PEPD: variants seen among roughly 807,000 people sequenced by gnomAD.
The protein encoded by PEPD is peptidase D, also known as xaa-Pro dipeptidase.
In PEPD, 53 loss-of-function variants were observed where a neutral mutation model predicts 60.7. The observed-to-expected ratio is 0.87, with a 90% CI of 0.70 to 1.10. PEPD has a LOEUF of 1.10. Ranked by LOEUF, PEPD falls within the 50% of genes least tolerant of loss-of-function variation. The pLI is 0.00. For synonymous variants in PEPD, 267 were observed against 284.1 expected, an observed-to-expected ratio of 0.94 and a Z score of 0.60; for missense variants, 711 against 711.9, an observed-to-expected ratio of 1.00 and a Z score of 0.01.
chr19:33,405,740 C>A (rs1968605398), intron 11 of PEPD, among the ~76,000 whole-genome samples: 1 of 152,236 alleles, frequency 6.6e-6, no homozygotes. Flanking sequence ...CCCTGAGGCT[C>A]CCCGTGCCAT....
intron 7 of PEPD, among the ~76,000 whole-genome samples, chr19:33,466,610 G>A (rs1040218849): frequency 6.6e-6 from 1 of 152,094 alleles, no homozygotes; most frequent in Admixed American, 6.5e-5. Flanking sequence ...TTCAGTATCT[G>A]GGGGGAAAAC....
At chr19:33,498,595 T>C (rs1336340491) in intron 4 of PEPD, among the ~76,000 whole-genome samples, 1 of 152,004 alleles carries the variant, frequency 6.6e-6, no homozygotes, top group African/African-American at 2.4e-5. Flanking sequence ...ACCACGGTCC[T>C]TGAGACAGGG....
intron 6 of PEPD, among the ~76,000 whole-genome samples, chr19:33,489,151 A>T (rs1422273443): frequency 6.6e-6 from 1 of 152,114 alleles, no homozygotes; most frequent in East Asian, 1.9e-4. Flanking sequence ...CCCTGTGCCC[A>T]AGGTCTGTCC....
intron 9 of PEPD, among the ~76,000 whole-genome samples, chr19:33,442,438 C>T (rs1166466736): frequency 8.0e-5 from 12 of 149,266 alleles, no homozygotes; most frequent in Admixed American, 4.0e-4. Context: ...CGGTGGCTCA[C>T]GCCTATAATC....
At chr19:33,406,586 G>T (rs1389511230) in intron 11 of PEPD, among the ~76,000 whole-genome samples, 2 of 152,058 alleles carry the variant, frequency 1.3e-5, no homozygotes, top group African/African-American at 4.8e-5. Context: ...GCAGCAGAGA[G>T]CAGGCCTGGG....
chr19:33,413,627 A>C lies in PEPD; in HGVS notation c.688T>G (p.Cys230Gly). 2 of 1,588,474 alleles carry C rather than the reference A, an allele frequency of 1.3e-6. No homozygotes were observed. The highest frequency in any genetic ancestry group is 2.3e-5 in the South Asian group (2 of 87,098). Residue 230 changes from cysteine (C) to glycine (G), a missense_variant, in exon 10 of 15, where the codon TGC becomes GGC. Transcript: ENST00000244137. ...TGGCGCATGCCGCCCCGGGAGTAGCAGTAGTGCTCGAAGAGGCTGCAGGGG... is the reference window on the plus strand; with the variant it reads ...TGGCGCATGCCGCCCCGGGAGTAGCCGTAGTGCTCGAAGAGGCTGCAGGGG... The part of the protein sequence containing the change: ...YELESLFEHY[C>G]YSRGGMRHSS...
chr19:33,479,363 T>C (rs1018616918), intron 6 of PEPD, among the ~76,000 whole-genome samples: 1 of 152,052 alleles, frequency 6.6e-6, no homozygotes, highest in Non-Finnish European at 1.5e-5. Context: ...TAGATGTAAA[T>C]GGATTAAATT....
chr19:33,388,347 A>G, intron 13 of PEPD: 1 of 632,884 alleles, frequency 1.6e-6, no homozygotes, highest in East Asian at 2.8e-5. Flanking sequence ...CCATGTGCAC[A>G]CACCCGGGGC....
rs1455853622 is a variant in PEPD, at chr19:33,391,499, G to A, written c.968-20C>T. 1 of 1,546,956 alleles carries A rather than the reference G, an allele frequency of 6.5e-7. No individual in the cohort carries two copies. Among genetic ancestry groups the A allele is most frequent in the Non-Finnish European group, 8.7e-7 (1 of 1,145,890 alleles). ...AGACACCTGTGGGCCAGAGGGAGCT[G>A]CCGTGAGCCACAGAGCCCAGCAGCC... On this transcript the variant is annotated intron_variant, in intron 12 of 14. Coordinates refer to ENST00000244137, the MANE Select transcript of PEPD (RefSeq NM_000285.4).
intron 6 of PEPD, among the ~76,000 whole-genome samples, chr19:33,479,737 C>G (rs1970281285): frequency 6.6e-6 from 1 of 152,222 alleles, no homozygotes; most frequent in Admixed American, 6.5e-5. Flanking sequence ...CATGTTCTTG[C>G]AAAGGACATG....
intron 9 of PEPD, among the ~76,000 whole-genome samples, chr19:33,462,363 G>A (rs1254927825): frequency 6.6e-6 from 1 of 152,234 alleles, no homozygotes; most frequent in African/African-American, 2.4e-5. Flanking sequence ...CCTGCCCCAG[G>A]ACACGGGTGG....
chr19:33,416,050 A>G (rs1600098150), intron 9 of PEPD, among the ~76,000 whole-genome samples: 1 of 151,546 alleles, frequency 6.6e-6, no homozygotes, highest in South Asian at 2.1e-4. Flanking sequence ...GTGGCGGCAC[A>G]GGGGGCCTGT....
At chr19:33,414,031 G>A (rs1968836626) in intron 9 of PEPD, among the ~76,000 whole-genome samples, 1 of 152,220 alleles carries the variant, frequency 6.6e-6, no homozygotes, top group South Asian at 2.1e-4. Context: ...GCTGGAGGAA[G>A]TGATTCCCTG....
chr19:33,496,623 G>A (rs1294340460), intron 4 of PEPD, among the ~76,000 whole-genome samples: 1 of 152,230 alleles, frequency 6.6e-6, no homozygotes, highest in Non-Finnish European at 1.5e-5. Context: ...AAGACAGCAC[G>A]GCTCTGTCAA....
At chr19:33,481,823 G>T (rs1319626943) in intron 6 of PEPD, among the ~76,000 whole-genome samples, 1 of 151,984 alleles carries the variant, frequency 6.6e-6, no homozygotes, top group East Asian at 2.0e-4. Context: ...GAGGTCAGGA[G>T]TTCAAGACCA....
intron 7 of PEPD, among the ~76,000 whole-genome samples, chr19:33,465,201 A>G (rs1969998011): frequency 6.6e-6 from 1 of 152,184 alleles, no homozygotes; most frequent in South Asian, 2.1e-4. Flanking sequence ...TGCAGACACC[A>G]CGTCATCCAT....
intron 7 of PEPD, among the ~76,000 whole-genome samples, chr19:33,471,122 GA>G (rs931899833): frequency 6.0e-5 from 9 of 150,130 alleles, no homozygotes; most frequent in East Asian, 5.9e-4. Context: ...GGGGGAAGTG[GA>G]AAAAAAAAAT....
chr19:33,408,965 A>G (rs778196250), intron 11 of PEPD, among the ~76,000 whole-genome samples: 4 of 152,254 alleles, frequency 2.6e-5, no homozygotes, highest in Non-Finnish European at 5.9e-5. Context: ...TAAACTCATA[A>G]TTACTCTACT....
chr19:33,505,383 G>A (rs894710695), intron 3 of PEPD, among the ~76,000 whole-genome samples: 3 of 152,040 alleles, frequency 2.0e-5, no homozygotes, highest in Non-Finnish European at 4.4e-5. Context: ...GACCACTCCC[G>A]GAGCAAGCTT....
Sources: gnomAD v4.1 joint callset for allele counts (sites outside exome capture counted in the v4.1 genomes callset) on GRCh38, gnomAD v4.1.1 for gene constraint, MANE v1.5 for transcripts, NCBI Gene and HGNC (gene_info 2026-07-23, HGNC 2026-07-21) for gene names.